Variants in PDE1A observed in about 807,000 individuals in gnomAD.
PDE1A encodes the protein phosphodiesterase 1A, also known as dual specificity calcium/calmodulin-dependent 3',5'-cyclic nucleotide phosphodiesterase 1A.
In PDE1A, 35 loss-of-function variants were observed where a neutral mutation model predicts 61.7. The observed-to-expected ratio is 0.57, with a 90% CI of 0.43 to 0.75. The LOEUF (loss-of-function observed/expected upper bound fraction) is 0.75, where lower values mean the gene tolerates loss of function less well. PDE1A is among the 30% of genes least tolerant of loss of function. PDE1A has a pLI of 0.00. For synonymous variants in PDE1A, 232 were observed against 213.2 expected (o/e 1.09, Z -0.77); for missense variants, 597 against 630.6 (o/e 0.95, Z 0.57).
chr2:182,343,334 C>T (rs1477912496), intron 1 of PDE1A, among the ~76,000 whole-genome samples: 1 of 152,114 alleles, frequency 6.6e-6, no homozygotes, highest in Non-Finnish European at 1.5e-5. Context: ...TATTCCCTGG[C>T]TAACATTTAA....
At chr2:182,325,306 T>C (rs573493344) in intron 1 of PDE1A, among the ~76,000 whole-genome samples, 1 of 152,132 alleles carries the variant, frequency 6.6e-6, no homozygotes, top group South Asian at 2.1e-4. Context: ...ATACAACATA[T>C]ACAAAAAGTA....
chr2:182,502,526 T>C (rs1689144774), intron 2 of PDE1A, among the ~76,000 whole-genome samples: 1 of 152,190 alleles, frequency 6.6e-6, no homozygotes, highest in Non-Finnish European at 1.5e-5. Context: ...AACTCCAAAA[T>C]GTATGTGTTC....
intron 1 of PDE1A, among the ~76,000 whole-genome samples, chr2:182,371,135 T>C (rs1700107601): frequency 6.6e-6 from 1 of 152,132 alleles, no homozygotes; most frequent in Non-Finnish European, 1.5e-5. Context: ...GATTCTAAAA[T>C]CTTTGAAAAA....
intron 13 of PDE1A, among the ~76,000 whole-genome samples, chr2:182,169,914 A>ACACACATG (rs1691999173): frequency 2.9e-5 from 3 of 101,718 alleles, no homozygotes; most frequent in South Asian, 3.3e-4. Context: ...ACACACACAC[A>ACACACATG]CACACACGCA....
chr2:182,201,655 A>AAAAAAAAAC, intron 9 of PDE1A, 33 bp downstream of exon 9: 1 of 1,550,184 alleles, frequency 6.5e-7, no homozygotes, highest in Non-Finnish European at 8.7e-7. Context: ...CATGACAAAA[A>AAAAAAAAAC]AAAAAAAACA....
At chr2:182,295,316 C>T (rs1227148695) in intron 1 of PDE1A, among the ~76,000 whole-genome samples, 1 of 151,840 alleles carries the variant, frequency 6.6e-6, no homozygotes, top group East Asian at 1.9e-4. Flanking sequence ...CCTCATGATC[C>T]ACCCGCCTCG....
intron 1 of PDE1A, among the ~76,000 whole-genome samples, chr2:182,340,899 AT>A (rs1249467832): frequency 6.6e-6 from 1 of 152,180 alleles, no homozygotes; most frequent in East Asian, 1.9e-4. Context: ...CAGAATTCTC[AT>A]TTGTAAAATG....
intron 1 of PDE1A, among the ~76,000 whole-genome samples, chr2:182,411,209 C>G (rs1702594509): frequency 6.6e-6 from 1 of 152,148 alleles, no homozygotes; most frequent in African/African-American, 2.4e-5. Flanking sequence ...TTATATAAAT[C>G]TTTCACTTTT....
the PDE1A span, among the ~76,000 whole-genome samples, chr2:182,625,512 G>A: frequency 6.6e-6 from 1 of 151,686 alleles, no homozygotes; most frequent in African/African-American, 2.4e-5. Context: ...ACCATGCCTT[G>A]AAGAAATCTC....
the PDE1A span, among the ~76,000 whole-genome samples, chr2:182,674,579 T>C: frequency 2.9e-4 from 6 of 20,528 alleles, no homozygotes; most frequent in Non-Finnish European, 8.0e-4. Context: ...CAGATACATA[T>C]ATATATATAT....
At position 182,468,788 on chromosome 2, in the gene PDE1A, C is replaced by T. The variant is rs193119301; in HGVS notation, c.101+53488G>A. Among the ~76,000 whole-genome samples the T allele has an allele frequency of 2.2e-3, 338 of 152,106 alleles. 1 individual carries two copies. Among genetic ancestry groups the T allele is most frequent in the African/African-American group, 7.7e-3 (319 of 41,548 alleles). On this transcript the variant is annotated intron_variant, in intron 2 of 14. Transcript: ENST00000410103. ...TTGAAAGTCAAAATTACTCCTTGGTCCATGGCTTCAGAATGGATGTTGTAT... is the reference window on the plus strand; with the variant it reads ...TTGAAAGTCAAAATTACTCCTTGGTTCATGGCTTCAGAATGGATGTTGTAT...
At chr2:182,240,434 A>G (rs1366844988) in intron 2 of PDE1A, 142 bp from the exon 3 acceptor site, 2 of 491,130 alleles carry the variant, frequency 4.1e-6, no homozygotes, top group Non-Finnish European at 6.8e-6. Context: ...TAAAGAAAGA[A>G]AAAAAATTCA....
intron 2 of PDE1A, among the ~76,000 whole-genome samples, chr2:182,248,663 T>C (rs1226138309): frequency 6.6e-6 from 1 of 152,196 alleles, no homozygotes; most frequent in Non-Finnish European, 1.5e-5. Flanking sequence ...CTTACAATCA[T>C]ATGTCAGTGA....
the PDE1A span, among the ~76,000 whole-genome samples, chr2:182,633,273 C>T: frequency 6.6e-6 from 1 of 152,218 alleles, no homozygotes; most frequent in African/African-American, 2.4e-5. Flanking sequence ...ACAACTTTAT[C>T]TGTGTAGTCA....
In PDE1A at chr2:182,488,186, G is replaced by T. The variant is rs544142409; in HGVS notation, c.101+34090C>A. The stretch of plus-strand genomic sequence containing the variant: ...CACACTGATATGTTTTAATAAATCA[G>T]AAAGTTATAACTAGGGTACAATTCA... On this transcript the variant is annotated intron_variant, in intron 2 of 14. Coordinates refer to the PDE1A transcript ENST00000410103. Among the ~76,000 whole-genome samples, 11 of 152,230 alleles carry T rather than the reference G, an allele frequency of 7.2e-5. No individual in the cohort carries two copies. In the South Asian group the frequency reaches 1.4e-3, roughly 20 times the overall value.
intron 10 of PDE1A, among the ~76,000 whole-genome samples, 156 bp downstream of exon 10, chr2:182,201,283 G>C (rs1045011720): frequency 6.6e-6 from 1 of 152,068 alleles, no homozygotes; most frequent in African/African-American, 2.4e-5. Flanking sequence ...ACACCTTTCT[G>C]ATAGACTAAT....
At chr2:182,190,989 A>C (rs1157200095) in intron 10 of PDE1A, among the ~76,000 whole-genome samples, 1 of 152,114 alleles carries the variant, frequency 6.6e-6, no homozygotes, top group Non-Finnish European at 1.5e-5. Context: ...CATAATTTAG[A>C]ATAGCAACAA....
Position 182,212,673 on chromosome 2 carries a change from T to C in PDE1A, c.777-6608A>G, listed in dbSNP as rs142777959. 9.9e-3 allele frequency among the ~76,000 whole-genome samples: 1,506 copies of C among 151,510 alleles called. 26 individuals are homozygous for C. The highest frequency in any genetic ancestry group is 0.034 in the African/African-American group (1,408 of 41,274). On this transcript the variant is annotated intron_variant, in intron 7 of 13. Transcript: ENST00000351439. ...GGGTGATGGACGGCACCTGGAAAAT[T>C]GGGTCACTCCCACCCGAATACTGCG... is the stretch of plus-strand genomic sequence containing the variant.
the PDE1A span, among the ~76,000 whole-genome samples, chr2:182,642,141 A>G: frequency 6.6e-6 from 1 of 152,204 alleles, no homozygotes; most frequent in Admixed American, 6.5e-5. Flanking sequence ...AATTATTTGT[A>G]GTCTAAAATA....
Sources: gnomAD v4.1 joint callset for allele counts (sites outside exome capture counted in the v4.1 genomes callset) on GRCh38, gnomAD v4.1.1 for gene constraint, MANE v1.5 for transcripts, NCBI Gene and HGNC (gene_info 2026-07-23, HGNC 2026-07-21) for gene names.